Variants in ACAD11 observed in about 807,000 individuals in gnomAD.
The protein encoded by ACAD11 is acyl-Coenzyme A dehydrogenase family, member 11.
In ACAD11, 83 loss-of-function variants were observed where a neutral mutation model predicts 102.2. The ratio of observed to expected loss-of-function variants is 0.81; its 90% CI spans 0.68 to 0.97. The LOEUF (loss-of-function observed/expected upper bound fraction) is 0.97, where lower values mean the gene tolerates loss of function less well. ACAD11 is among the 50% of genes least tolerant of loss of function. The pLI is 0.00. For synonymous variants in ACAD11, 324 were observed against 319.8 expected (o/e 1.01, Z -0.14); for missense variants, 901 against 951.7 (o/e 0.95, Z 0.70).
rs772866044 is a variant in ACAD11, at chr3:132,630,507, A to T, written c.893T>A (p.Ile298Asn). The change falls in exon 7 of 20, where the codon ATT becomes AAT. Residue 298 changes from isoleucine to asparagine, a missense_variant. Transcript: ENST00000264990. ...LISIYCRCRG[I>N]NSILPNWNFF... ...ATTCCAGTTAGGAAGAATAGAATTA[A>T]TTCCCCTGCAGCGGCAATATATTGA... 6.2e-7 allele frequency: 1 copy of T among 1,613,132 alleles called. No homozygotes were observed. Among genetic ancestry groups the T allele is most frequent in the South Asian group, 1.1e-5 (1 of 90,916 alleles).
At chr3:132,656,059 T>C (rs963983248) in intron 1 of ACAD11, among the ~76,000 whole-genome samples, 1 of 152,328 alleles carries the variant, frequency 6.6e-6, no homozygotes, top group East Asian at 1.9e-4. Flanking sequence ...GTGACTACCA[T>C]TCTGAATTTT....
At chr3:132,653,781 TC>T (rs1267025939) in intron 1 of ACAD11, among the ~76,000 whole-genome samples, 2 of 152,208 alleles carry the variant, frequency 1.3e-5, no homozygotes, top group East Asian at 3.9e-4. Context: ...CTTCTAAGAC[TC>T]CTTTGTAGGT....
intron 1 of ACAD11, among the ~76,000 whole-genome samples, chr3:132,654,062 C>G (rs1486179704): frequency 6.6e-6 from 1 of 152,142 alleles, no homozygotes; most frequent in Non-Finnish European, 1.5e-5. Context: ...CAAATTTCCC[C>G]CTCAAATCTG....
rs146148104 is a variant in ACAD11 at position 132,632,506 on chromosome 3, T to C, written c.703-1027A>G. 2.8e-3 allele frequency among the ~76,000 whole-genome samples: 430 copies of C among 152,326 alleles called. 5 individuals carry two copies. The highest frequency in any genetic ancestry group is 9.1e-3 in the African/African-American group (379 of 41,564). Reference sequence around the variant, plus strand: ...AAAAAGATTATAGTTTGAAGTCAGGTAGCATGATGCCTCCAGCTTTGTTCT... The same window carrying C: ...AAAAAGATTATAGTTTGAAGTCAGGCAGCATGATGCCTCCAGCTTTGTTCT... On this transcript the variant is annotated intron_variant, in intron 5 of 19. Coordinates refer to ENST00000264990, the MANE Select transcript of ACAD11 (RefSeq NM_032169.5).
At chr3:132,603,660 G>A (rs957885334) in intron 12 of ACAD11, among the ~76,000 whole-genome samples, 1 of 152,170 alleles carries the variant, frequency 6.6e-6, no homozygotes, top group Non-Finnish European at 1.5e-5. Context: ...TCTCACAATG[G>A]AGATATGTAC....
At chr3:132,621,700 A>G (rs1939613854) in intron 9 of ACAD11, among the ~76,000 whole-genome samples, 1 of 152,128 alleles carries the variant, frequency 6.6e-6, no homozygotes, top group Non-Finnish European at 1.5e-5. Flanking sequence ...ATTTGAAACT[A>G]TAATCCCAGC....
intron 13 of ACAD11, among the ~76,000 whole-genome samples, chr3:132,588,712 C>T (rs1466723855): frequency 6.6e-6 from 1 of 152,158 alleles, no homozygotes; most frequent in Non-Finnish European, 1.5e-5. Flanking sequence ...CTCATTTGTA[C>T]TAATGAGAAA....
intron 11 of ACAD11, among the ~76,000 whole-genome samples, chr3:132,610,161 C>A (rs370118835): frequency 6.6e-6 from 1 of 152,036 alleles, no homozygotes; most frequent in Non-Finnish European, 1.5e-5. Context: ...AAACCCACAG[C>A]CAATATCATA....
intron 6 of ACAD11, among the ~76,000 whole-genome samples, chr3:132,631,131 T>G (rs1940023485): frequency 6.6e-6 from 1 of 152,006 alleles, no homozygotes; most frequent in African/African-American, 2.4e-5. Context: ...TGTGCACATG[T>G]ACCCTAAAAC....
chr3:132,559,803 G>C, intron 19 of ACAD11, 30 bp downstream of exon 19: 2 of 1,575,828 alleles, frequency 1.3e-6, no homozygotes, highest in Non-Finnish European at 8.7e-7. Flanking sequence ...CCTATCAAAC[G>C]TAGATGATTC....
chr3:132,635,754 T>C (rs1198922407), intron 5 of ACAD11, among the ~76,000 whole-genome samples: 1 of 152,152 alleles, frequency 6.6e-6, no homozygotes, highest in East Asian at 1.9e-4. Context: ...GCTTGGCATA[T>C]ATAGCAAGGC....
At chr3:132,589,000 G>A (rs558223416) in intron 13 of ACAD11, among the ~76,000 whole-genome samples, 52 of 152,270 alleles carry the variant, frequency 3.4e-4, no homozygotes, top group East Asian at 1.5e-3. Flanking sequence ...CCTTTGGTCC[G>A]AAAGGCGGTG....
At chr3:132,581,109 C>G (rs1268326330) in intron 13 of ACAD11, among the ~76,000 whole-genome samples, 2 of 151,756 alleles carry the variant, frequency 1.3e-5, no homozygotes, top group Admixed American at 1.3e-4. Flanking sequence ...AAAACATCAA[C>G]AAAGAAGAGG....
At chr3:132,653,419 G>A (rs1937622403) in intron 1 of ACAD11, among the ~76,000 whole-genome samples, 1 of 152,118 alleles carries the variant, frequency 6.6e-6, no homozygotes, top group South Asian at 2.1e-4. Flanking sequence ...TCTGCAGAAG[G>A]ACGTGCACAT....
At chr3:132,641,560 T>A (rs868267355) in intron 4 of ACAD11, among the ~76,000 whole-genome samples, 1,064 of 99,550 alleles carry the variant, frequency 0.011, 16 homozygotes, top group Non-Finnish European at 0.015. Flanking sequence ...ATGATGATGA[T>A]GAAGAAGAAG....
chr3:132,633,712 T>C (rs538953759), intron 5 of ACAD11, among the ~76,000 whole-genome samples: 1 of 152,076 alleles, frequency 6.6e-6, no homozygotes, highest in Non-Finnish European at 1.5e-5. Context: ...AACAGAGTAA[T>C]AGACCAATGG....
Position 132,631,341 on chromosome 3 carries a change from C to T in ACAD11, c.841G>A (p.Gly281Arg), listed in dbSNP as rs144849629. The part of the protein sequence containing the change: ...INQGSYSENS[G>R]IPSMEELISI... ...TTTAGACAACATTATGTTTTTATAC[C>T]TGAGTTTTCACTATAAGAACCTTGA... The change falls in exon 6 of 20, where the codon GGG (glycine) becomes AGG (arginine). Residue 281 changes from glycine to arginine, a missense_variant and splice_region_variant. By Grantham distance (125) the Gly-to-Arg change is moderately radical. Transcript: ENST00000264990. The T allele has an allele frequency of 5.4e-5, 78 of 1,431,568 alleles. No individual in the cohort carries two copies. In the African/African-American group the frequency reaches 1.0e-3, roughly 18 times the overall value. 88.7% of individuals were successfully genotyped at this position (1,431,568 alleles called of 1,614,324 possible).
chr3:132,658,689 C>G (rs980592470), intron 1 of ACAD11, among the ~76,000 whole-genome samples: 3 of 152,176 alleles, frequency 2.0e-5, no homozygotes, highest in African/African-American at 7.2e-5. Context: ...AAATTCTACA[C>G]CCTAAAATGT....
rs562542169 is a variant in ACAD11 at position 132,558,790 on chromosome 3, C to T, written c.*181G>A. 3.6e-6 allele frequency: 2 copies of T among 551,462 alleles called. No individual in the cohort carries two copies. The highest frequency in any genetic ancestry group is 3.2e-5 in the East Asian group (1 of 31,614). The allele number at this position is 551,462 out of a possible 1,614,324, so 34.2% of individuals were successfully genotyped here. On this transcript the variant is annotated 3_prime_UTR_variant, in exon 20 of 20. Transcript: ENST00000264990. The stretch of plus-strand genomic sequence containing the variant: ...TACAGCATTTCTTACTGAACTTAAC[C>T]CTGTGTGACCCTTGAAATAATAAAA...
Sources: allele counts gnomAD v4.1 joint callset (sites outside exome capture counted in the v4.1 genomes callset), GRCh38; gene constraint gnomAD v4.1.1; transcripts MANE v1.5; gene names NCBI Gene and HGNC (gene_info 2026-07-23, HGNC 2026-07-21).